The following SERINC5 variants were observed in gnomAD, a reference collection of about 807,000 sequenced individuals.
The protein encoded by SERINC5 is serine incorporator 5, also known as chromosome 5 open reading frame 12.
SERINC5 carries 41 observed loss-of-function variants against 63.1 expected under a neutral mutation model. The ratio of observed to expected loss-of-function variants is 0.65; its 90% CI spans 0.51 to 0.84. SERINC5 has a LOEUF of 0.84. Among genes scored for constraint, SERINC5 ranks in the 40% least tolerant of loss-of-function variants. SERINC5 has a pLI of 0.00. For missense variants in SERINC5, 523 were observed against 573.0 expected (o/e 0.91, Z 0.89); for synonymous variants, 222 against 215.2 (o/e 1.03, Z -0.28).
intron 11 of SERINC5, among the ~76,000 whole-genome samples, chr5:80,114,926 G>C (rs1744275137): frequency 6.6e-6 from 1 of 152,014 alleles, no homozygotes; most frequent in Non-Finnish European, 1.5e-5. Context: ...CCATTTTATA[G>C]ACAAGAAATG....
At chr5:80,163,621 T>C (rs1005186360) in intron 7 of SERINC5, among the ~76,000 whole-genome samples, 3 of 152,100 alleles carry the variant, frequency 2.0e-5, no homozygotes, top group African/African-American at 7.2e-5. Context: ...GATCATATGG[T>C]TTTTATCTTT....
intron 7 of SERINC5, among the ~76,000 whole-genome samples, chr5:80,161,529 T>C (rs73125989): frequency 0.079 from 12,068 of 152,250 alleles, 1,624 homozygotes; most frequent in African/African-American, 0.27. Flanking sequence ...CTATTCATGT[T>C]CTTTGACTAC....
chr5:80,196,544 A>G (rs555132326), intron 2 of SERINC5, among the ~76,000 whole-genome samples: 2 of 152,302 alleles, frequency 1.3e-5, no homozygotes, highest in African/African-American at 4.8e-5. Context: ...ACCCAAGAGA[A>G]ATGAAAACAT....
chr5:80,239,639 CTATGA>C (rs1206475991), intron 1 of SERINC5, among the ~76,000 whole-genome samples: 2 of 152,158 alleles, frequency 1.3e-5, no homozygotes, highest in South Asian at 2.1e-4. Context: ...TTGTGGTACC[CTATGA>C]GCCAGGAGCC....
Position 80,138,904 on chromosome 5 carries a change from A to T in SERINC5, c.*4759T>A, listed in dbSNP as rs956867833. The stretch of plus-strand genomic sequence containing the variant: ...AAAAAAACAACACAGTTTTAATTTT[A>T]AATTTTATTAAAGTACAGAGTTAAC... On this transcript the variant is annotated 3_prime_UTR_variant, in exon 12 of 12. Transcript: ENST00000507668. 27 of 970,960 alleles carry T rather than the reference A, an allele frequency of 2.8e-5. No homozygotes were observed. The highest frequency in any genetic ancestry group is 3.1e-5 in the Non-Finnish European group (25 of 816,814). 60.1% of individuals were successfully genotyped at this position (970,960 alleles called of 1,614,324 possible).
intron 2 of SERINC5, among the ~76,000 whole-genome samples, chr5:80,192,935 A>G (rs1309098722): frequency 1.3e-5 from 2 of 152,200 alleles, no homozygotes; most frequent in African/African-American, 4.8e-5. Flanking sequence ...TGGAGTTCAC[A>G]TATTTTTAGC....
At chr5:80,197,272 C>T (rs1007706894) in intron 2 of SERINC5, among the ~76,000 whole-genome samples, 1 of 121,614 alleles carries the variant, frequency 8.2e-6, no homozygotes, top group Non-Finnish European at 1.8e-5. Context: ...CGTGCCACTG[C>T]GTTTCAGCCA....
At position 80,251,922 on chromosome 5, in the gene SERINC5, A is replaced by T. The variant is rs74410686; in HGVS notation, c.27+3974T>A. Among the ~76,000 whole-genome samples, 237 of 152,304 alleles carry T rather than the reference A, an allele frequency of 1.6e-3. 2 individuals are homozygous for T. Among genetic ancestry groups the T allele is most frequent in the African/African-American group, 5.6e-3 (234 of 41,570 alleles). The stretch of plus-strand genomic sequence containing the variant: ...TATTAATTTCAGCATTATTATTGTC[A>T]TAAATGCCTATACTTGCCTGCAGCA... On this transcript the variant is annotated intron_variant, in intron 1 of 11. Coordinates refer to ENST00000507668, the MANE Select transcript of SERINC5 (RefSeq NM_001174072.3).
intron 2 of SERINC5, among the ~76,000 whole-genome samples, chr5:80,197,308 TGAGAGAGAGAGA>T (rs34195156): frequency 0.02 from 2,705 of 136,670 alleles, 45 homozygotes; most frequent in Middle Eastern, 0.026. Flanking sequence ...ACTCCATCTG[TGAGAGAGAGAGA>T]GAGAGAGAGA....
At position 80,233,805 on chromosome 5, in the gene SERINC5, C is replaced by CTTTT. The variant is rs373920343; in HGVS notation, c.27+22087_27+22090dup. 4.0e-4 allele frequency among the ~76,000 whole-genome samples: 28 copies of CTTTT among 69,934 alleles called. 1 individual carries two copies. The highest frequency in any genetic ancestry group is 1.0e-3 in the South Asian group (2 of 1,914). The allele number at this position is 69,934 out of a possible 152,430, so 45.9% of individuals were successfully genotyped here. Reference sequence around the variant, plus strand: ...TATTTTATAGATCTTTCAACTTTTACTTTTTTTTTTTTTTTTTTTTTTTTG... The same window carrying CTTTT: ...TATTTTATAGATCTTTCAACTTTTACTTTTTTTTTTTTTTTTTTTTTTTTTTTTG... On this transcript the variant is annotated intron_variant, in intron 1 of 11. Coordinates refer to ENST00000507668, the MANE Select transcript of SERINC5 (RefSeq NM_001174072.3).
intron 11 of SERINC5, among the ~76,000 whole-genome samples, chr5:80,123,166 G>C (rs1451294536): frequency 6.6e-6 from 1 of 152,288 alleles, no homozygotes; most frequent in African/African-American, 2.4e-5. Flanking sequence ...TGTGATCATA[G>C]CCCATTGTAA....
At chr5:80,250,199 C>G (rs1024567325) in intron 1 of SERINC5, among the ~76,000 whole-genome samples, 1 of 152,158 alleles carries the variant, frequency 6.6e-6, no homozygotes, top group Non-Finnish European at 1.5e-5. Flanking sequence ...GTGGTGCAAT[C>G]AAGTCCACGA....
chr5:80,168,253 G>A (rs1052420413), intron 6 of SERINC5, among the ~76,000 whole-genome samples: 29 of 151,720 alleles, frequency 1.9e-4, no homozygotes, highest in Admixed American at 2.6e-4. Flanking sequence ...GGAGTGCAGT[G>A]GTGGGATCTT....
chr5:80,148,189 C>CTTTT lies in SERINC5; in HGVS notation c.1054-909_1054-906dup, dbSNP rs796769914. Among the ~76,000 whole-genome samples the CTTTT allele has an allele frequency of 1.5e-4, 15 of 102,334 alleles. 1 individual carries two copies. The highest frequency in any genetic ancestry group is 5.4e-4 in the African/African-American group (14 of 26,032). 67.1% of individuals were successfully genotyped at this position (102,334 alleles called of 152,430 possible). On this transcript the variant is annotated intron_variant, in intron 9 of 11. Coordinates refer to ENST00000507668, the MANE Select transcript of SERINC5 (RefSeq NM_001174072.3). The stretch of plus-strand genomic sequence containing the variant: ...TCTGGTACCTTGCGTATTTTTTATT[C>CTTTT]TTTTTTTTTTTTTTTTTTGAGATGG...
At chr5:80,152,217 C>T (rs1244938633) in intron 8 of SERINC5, among the ~76,000 whole-genome samples, 2 of 152,158 alleles carry the variant, frequency 1.3e-5, no homozygotes, top group East Asian at 3.9e-4. Context: ...TAAGAGTGGC[C>T]CGGCTGGGTG....
intron 12 of SERINC5, among the ~76,000 whole-genome samples, chr5:80,111,997 C>T (rs1025306624): frequency 2.6e-5 from 4 of 152,186 alleles, no homozygotes; most frequent in East Asian, 3.9e-4. Flanking sequence ...ACCAGGGGCA[C>T]GATGCACTGC....
intron 1 of SERINC5, among the ~76,000 whole-genome samples, chr5:80,240,791 C>G (rs896218174): frequency 1.3e-5 from 2 of 152,076 alleles, no homozygotes; most frequent in Admixed American, 6.6e-5. Context: ...CACCTCATCC[C>G]CCTGCCGAGC....
At chr5:80,129,616 T>C (rs1482416805) in intron 11 of SERINC5, among the ~76,000 whole-genome samples, 1 of 152,196 alleles carries the variant, frequency 6.6e-6, no homozygotes, top group Non-Finnish European at 1.5e-5. Context: ...GCAACAGCTG[T>C]CTAAATTATT....
downstream of SERINC5, among the ~76,000 whole-genome samples, chr5:80,138,354 G>A (rs967957837): frequency 4.6e-5 from 7 of 152,144 alleles, no homozygotes; most frequent in African/African-American, 1.7e-4. Context: ...CCAGCACTTT[G>A]GGAGGCTGAG....
Sources: allele counts gnomAD v4.1 joint callset (sites outside exome capture counted in the v4.1 genomes callset), GRCh38; gene constraint gnomAD v4.1.1; transcripts MANE v1.5; gene names NCBI Gene and HGNC (gene_info 2026-07-23, HGNC 2026-07-21).